Variants in RBFOX1 observed in about 807,000 individuals in gnomAD.
RBFOX1 encodes the protein RNA binding protein fox-1 homolog 1.
Under a neutral mutation model 57.7 loss-of-function variants are expected in RBFOX1, and 8 were observed. The ratio of observed to expected loss-of-function variants is 0.14; its 90% CI spans 0.08 to 0.25. The LOEUF (loss-of-function observed/expected upper bound fraction) is 0.25, where lower values mean the gene tolerates loss of function less well. RBFOX1 is among the 10% of genes least tolerant of loss of function. The pLI is 1.00. For synonymous variants in RBFOX1, 326 were observed against 222.4 expected (o/e 1.47, Z -4.15); for missense variants, 611 against 548.5 (o/e 1.11, Z -1.14).
intron 3 of RBFOX1, among the ~76,000 whole-genome samples, chr16:5,821,018 T>A (rs17189515): frequency 0.14 from 20,909 of 152,086 alleles, 1,605 homozygotes; most frequent in Non-Finnish European, 0.16. Flanking sequence ...AGTCCTCAAG[T>A]GCCTGATTTT....
At chr16:6,485,286 A>C (rs1165846875) in intron 2 of RBFOX1, among the ~76,000 whole-genome samples, 1 of 152,102 alleles carries the variant, frequency 6.6e-6, no homozygotes, top group African/African-American at 2.4e-5. Flanking sequence ...ATGAAGAGGG[A>C]ATTGTTAATC....
At chr16:6,104,390 A>G (rs961948533) in intron 1 of RBFOX1, among the ~76,000 whole-genome samples, 1 of 152,228 alleles carries the variant, frequency 6.6e-6, no homozygotes, top group African/African-American at 2.4e-5. Context: ...TATCTTGGAA[A>G]TAAGGTAATA....
At chr16:5,974,989 C>G (rs915553613) in intron 4 of RBFOX1, among the ~76,000 whole-genome samples, 3 of 151,958 alleles carry the variant, frequency 2.0e-5, no homozygotes, top group Non-Finnish European at 2.9e-5. Context: ...GCCTGGGCAA[C>G]AAGAGCGAAA....
At position 6,137,606 on chromosome 16, in the gene RBFOX1, ATTTTTTTTTTT is replaced by A. The variant is rs57190040; in HGVS notation, c.-127+117631_-127+117641del. The stretch of plus-strand genomic sequence containing the variant: ...TAGGTGTGAGGCACTGCGCCTGGTC[ATTTTTTTTTTT>A]TTTTTTTTTTTTTTTTGACAGGGTC... On this transcript the variant is annotated intron_variant, in intron 1 of 15. Coordinates refer to ENST00000550418, the MANE Select transcript of RBFOX1 (RefSeq NM_018723.4). Among the ~76,000 whole-genome samples, 185 of 98,364 alleles carry A rather than the reference ATTTTTTTTTTT, an allele frequency of 1.9e-3. 2 individuals are homozygous for A. Among genetic ancestry groups the A allele is most frequent in the African/African-American group, 6.9e-3 (151 of 21,974 alleles). 64.5% of individuals were successfully genotyped at this position (98,364 alleles called of 152,430 possible). A position where few individuals can be genotyped will look rare whatever the true frequency, so the allele number is the denominator to read the frequency against.
intron 4 of RBFOX1, among the ~76,000 whole-genome samples, chr16:5,943,043 C>G (rs1176781492): frequency 2.0e-5 from 3 of 152,148 alleles, no homozygotes; most frequent in African/African-American, 7.2e-5. Context: ...GCCATGACCC[C>G]ACTGTTCTCA....
chr16:5,740,242 G>C (rs904620360), intron 3 of RBFOX1, among the ~76,000 whole-genome samples: 1 of 152,144 alleles, frequency 6.6e-6, no homozygotes, highest in African/African-American at 2.4e-5. Context: ...CAGGTGCCCT[G>C]TTGATCAGTC....
chr16:6,679,195 A>G (rs75805871), intron 3 of RBFOX1, among the ~76,000 whole-genome samples: 2,454 of 152,208 alleles, frequency 0.016, 77 homozygotes, highest in African/African-American at 0.056. Flanking sequence ...TATTTATGGC[A>G]TATCAGACTG....
intron 3 of RBFOX1, among the ~76,000 whole-genome samples, chr16:7,006,037 C>A (rs955008244): frequency 2.0e-5 from 3 of 152,176 alleles, no homozygotes; most frequent in African/African-American, 7.2e-5. Flanking sequence ...CTCCGTGGTT[C>A]CTCATGGTAT....
At chr16:6,943,390 C>G (rs1023728446) in intron 3 of RBFOX1, among the ~76,000 whole-genome samples, 2 of 152,114 alleles carry the variant, frequency 1.3e-5, no homozygotes, top group East Asian at 1.9e-4. Flanking sequence ...AATAGACAGA[C>G]AAGACTGAAA....
intron 4 of RBFOX1, among the ~76,000 whole-genome samples, chr16:7,105,787 GAGAT>G (rs995546847): frequency 1.6e-3 from 138 of 88,696 alleles, no homozygotes; most frequent in African/African-American, 6.7e-3. Flanking sequence ...GATGTATATA[GAGAT>G]AGATAGATAG....
intron 3 of RBFOX1, among the ~76,000 whole-genome samples, chr16:6,799,645 C>T (rs907270877): frequency 1.3e-5 from 2 of 152,156 alleles, no homozygotes; most frequent in African/African-American, 2.4e-5. Flanking sequence ...GCTGCCAGTA[C>T]AGCTCGTATA....
chr16:6,823,384 G>A (rs1487869628), intron 3 of RBFOX1, among the ~76,000 whole-genome samples: 3 of 151,832 alleles, frequency 2.0e-5, no homozygotes. Flanking sequence ...AGCCTCCCAA[G>A]TAGCTAGTAT....
intron 3 of RBFOX1, among the ~76,000 whole-genome samples, chr16:5,690,830 G>A (rs28713168): frequency 0.025 from 3,867 of 152,212 alleles, 146 homozygotes; most frequent in East Asian, 0.16. Context: ...TGAGTACAGA[G>A]TGTACTTCCA....
intron 4 of RBFOX1, among the ~76,000 whole-genome samples, chr16:7,495,454 T>G (rs1186856377): frequency 6.6e-6 from 1 of 152,250 alleles, no homozygotes; most frequent in Non-Finnish European, 1.5e-5. Context: ...TCAGCCATCC[T>G]TTTTCTCTGC....
intron 3 of RBFOX1, among the ~76,000 whole-genome samples, chr16:6,964,071 T>G (rs1362458715): frequency 1.3e-5 from 2 of 152,128 alleles, no homozygotes; most frequent in East Asian, 3.9e-4. Flanking sequence ...CAGGCTGGAG[T>G]GCAGTGGTGC....
rs1215113866 is a variant in RBFOX1 at position 5,452,832 on chromosome 16, C to T, written c.220-14384C>T. On this transcript the variant is annotated intron_variant, in intron 1 of 2. Transcript: ENST00000585867. ...CTAATTTTTGTATTTTTAGTAGGGA[C>T]GGGGTTTGCTCAGGCTGGCCTCGAG... Among the ~76,000 whole-genome samples the T allele has an allele frequency of 6.6e-5, 10 of 152,004 alleles. 1 individual carries two copies. In the South Asian group the frequency reaches 1.5e-3, roughly 22 times the overall value.
chr16:6,350,495 A>AAAAAC lies in RBFOX1; in HGVS notation c.-64+33440_-64+33444dup, dbSNP rs1567992996. On this transcript the variant is annotated intron_variant, in intron 2 of 15. Coordinates refer to ENST00000550418, the MANE Select transcript of RBFOX1 (RefSeq NM_018723.4). ...AAAAAAAAAAAAAAAAAAAAAAAAA[A>AAAAAC]AAAACAGTGTTCTCTAGAATATACT... is the stretch of plus-strand genomic sequence containing the variant. Among the ~76,000 whole-genome samples, 17 of 126,448 alleles carry AAAAAC rather than the reference A, an allele frequency of 1.3e-4. No homozygotes were observed. In the East Asian group the frequency reaches 4.0e-3, roughly 30 times the overall value. 83.0% of individuals were successfully genotyped at this position (126,448 alleles called of 152,430 possible).
chr16:5,414,280 C>G (rs546692744), intron 1 of RBFOX1, among the ~76,000 whole-genome samples: 2 of 152,122 alleles, frequency 1.3e-5, no homozygotes, highest in Non-Finnish European at 2.9e-5. Flanking sequence ...TGAAAAAGCA[C>G]AAGTCTCTCT....
At position 7,333,100 on chromosome 16, in the gene RBFOX1, C is replaced by T. The variant is rs371603385; in HGVS notation, c.28-185047C>T. The T allele has an allele frequency of 6.2e-6, 10 of 1,609,798 alleles. No individual in the cohort carries two copies. The African/African-American group carries it at 8.0e-5, about 13-fold the overall frequency. On this transcript the variant is annotated intron_variant, in intron 4 of 15. Transcript: ENST00000550418. ...CTGGACTGATTCAGGTAATTCAAGG[C>T]CTCTGCCAGCCAGCAACTTAACTCC...
Sources: gnomAD v4.1 joint callset for allele counts (sites outside exome capture counted in the v4.1 genomes callset) on GRCh38, gnomAD v4.1.1 for gene constraint, MANE v1.5 for transcripts, NCBI Gene and HGNC (gene_info 2026-07-23, HGNC 2026-07-21) for gene names.